The following BCL11B variants were observed in gnomAD, a reference collection of about 807,000 sequenced individuals.
BCL11B encodes BCL11 transcription factor B, also known as B-cell lymphoma/leukemia 11B.
BCL11B carries 8 observed loss-of-function variants against 49.9 expected under a neutral mutation model. The observed-to-expected ratio is 0.16, with a 90% confidence interval of 0.09 to 0.29. The LOEUF is 0.29. Ranked by LOEUF, BCL11B falls within the 10% of genes least tolerant of loss-of-function variation. The probability of loss-of-function intolerance (pLI) is 1.00; values close to 1 mark genes in which losing one functional copy is unlikely to be tolerated. For synonymous variants in BCL11B, 739 were observed against 637.4 expected (o/e 1.16, Z -2.40); for missense variants, 1,006 against 1,351.0 (o/e 0.74, Z 4.00).
intron 1 of BCL11B, among the ~76,000 whole-genome samples, chr14:99,268,641 C>T (rs1889556512): frequency 6.6e-6 from 1 of 151,970 alleles, no homozygotes; most frequent in Admixed American, 6.5e-5. Context: ...CTCCCACCTC[C>T]CTCCCAGGTG....
chr14:99,266,068 G>A (rs940484519), intron 1 of BCL11B, among the ~76,000 whole-genome samples: 1 of 152,200 alleles, frequency 6.6e-6, no homozygotes, highest in Non-Finnish European at 1.5e-5. Flanking sequence ...TGGGGTGAAA[G>A]ATGTGATCAA....
At chr14:99,193,479 G>T (rs905287912) in intron 3 of BCL11B, among the ~76,000 whole-genome samples, 1 of 152,066 alleles carries the variant, frequency 6.6e-6, no homozygotes, top group Admixed American at 6.6e-5. Flanking sequence ...AAAAAAAAAG[G>T]GGACATTATT....
At chr14:99,269,873 G>GT (rs1168474018) in intron 1 of BCL11B, among the ~76,000 whole-genome samples, 20 of 51,190 alleles carry the variant, frequency 3.9e-4, no homozygotes, top group Non-Finnish European at 4.7e-4. Flanking sequence ...TTCTATTGCA[G>GT]TTAAAAAAAA....
In BCL11B at chr14:99,184,733, G is replaced by A. The variant is rs567345279; in HGVS notation, c.641-8538C>T. On this transcript the variant is annotated intron_variant, in intron 3 of 3. Coordinates refer to ENST00000357195, the MANE Select transcript of BCL11B (RefSeq NM_138576.4). The surrounding 1 kb of genome is among the most constrained non-coding windows in gnomAD (Gnocchi z 6.1). Reference sequence around the variant, plus strand: ...TGCACCTGGGATTGCCAGCAAGCCAGCCCGGGAGGCCAAGCTGAAGGCCTT... The same window carrying A: ...TGCACCTGGGATTGCCAGCAAGCCAACCCGGGAGGCCAAGCTGAAGGCCTT... Among the ~76,000 whole-genome samples, 11 of 152,288 alleles carry A rather than the reference G, an allele frequency of 7.2e-5. No individual in the cohort carries two copies. The South Asian group carries it at 2.3e-3, about 32-fold the overall frequency.
chr14:99,233,944 C>T (rs562275927), intron 2 of BCL11B, among the ~76,000 whole-genome samples: 1 of 152,072 alleles, frequency 6.6e-6, no homozygotes, highest in South Asian at 2.1e-4. Context: ...TCTGGGGCTC[C>T]CAGAGCACCT....
At chr14:99,243,471 C>T (rs200021892) in intron 2 of BCL11B, among the ~76,000 whole-genome samples, 2 of 152,168 alleles carry the variant, frequency 1.3e-5, no homozygotes, top group East Asian at 3.8e-4. Context: ...GCAATTGCTT[C>T]ACTCCTACCT....
At chr14:99,218,982 A>G (rs1887933114) in intron 3 of BCL11B, among the ~76,000 whole-genome samples, 1 of 152,160 alleles carries the variant, frequency 6.6e-6, no homozygotes, top group Non-Finnish European at 1.5e-5. Flanking sequence ...CGACCCCTCC[A>G]TCTTGGACCT....
At position 99,234,228 on chromosome 14, in the gene BCL11B, G is replaced by C. The variant is rs780434773; in HGVS notation, c.428-2671C>G. Among the ~76,000 whole-genome samples the C allele has an allele frequency of 5.3e-5, 8 of 152,228 alleles. 1 individual carries two copies. The South Asian group carries it at 1.7e-3, about 32-fold the overall frequency. On this transcript the variant is annotated intron_variant, in intron 2 of 3. Transcript: ENST00000357195. ...GGGTGATGAAAATGCTCGGGACTTA[G>C]ACAGGAGTGACGGCTGCACGACATT...
intron 2 of BCL11B, among the ~76,000 whole-genome samples, chr14:99,233,614 A>G (rs940146184): frequency 2.6e-5 from 4 of 152,202 alleles, no homozygotes; most frequent in African/African-American, 9.6e-5. Context: ...GGGTTGTCCC[A>G]GGTGCTAAGA....
Position 99,176,260 on chromosome 14 carries a change from G to A in BCL11B, c.641-65C>T, listed in dbSNP as rs1886526189. On this transcript the variant is annotated intron_variant, in intron 3 of 3. Transcript: ENST00000357195. ...GAAGCGGCAGCGGGGCGCGGGCACCGCAGGGCCACTGGCCTGGGGGACGCG... is the reference window on the plus strand; with the variant it reads ...GAAGCGGCAGCGGGGCGCGGGCACCACAGGGCCACTGGCCTGGGGGACGCG... 5 of 1,468,356 alleles carry A rather than the reference G, an allele frequency of 3.4e-6. No homozygotes were observed. In the Admixed American group the frequency reaches 7.6e-5, roughly 22 times the overall value. 91.0% of individuals were successfully genotyped at this position (1,468,356 alleles called of 1,614,324 possible).
chr14:99,192,852 G>T lies in BCL11B; in HGVS notation c.641-16657C>A, dbSNP rs1764922295. On this transcript the variant is annotated intron_variant, in intron 3 of 3. Coordinates refer to ENST00000357195, the MANE Select transcript of BCL11B (RefSeq NM_138576.4). This position sits in a 1 kb window ranked among gnomAD's most constrained non-coding sequence, Gnocchi z 4.0. ...TGCTCAATAGAGAATGCTATTTAAT[G>T]ATCAAAATGTAAATGAGTGAATGAA... 6.6e-6 allele frequency among the ~76,000 whole-genome samples: 1 copy of T among 150,790 alleles called. No individual in the cohort carries two copies. Among genetic ancestry groups the T allele is most frequent in the Non-Finnish European group, 1.5e-5 (1 of 67,846 alleles).
chr14:99,245,898 G>A (rs1315948423), intron 2 of BCL11B, among the ~76,000 whole-genome samples: 1 of 152,054 alleles, frequency 6.6e-6, no homozygotes, highest in Non-Finnish European at 1.5e-5. Context: ...GGGCTGGCCC[G>A]GGGCCAGAGG....
At chr14:99,239,805 G>A (rs926334810) in intron 2 of BCL11B, among the ~76,000 whole-genome samples, 19 of 152,188 alleles carry the variant, frequency 1.2e-4, no homozygotes, top group Non-Finnish European at 4.4e-5. Context: ...GAACTCCAAT[G>A]CTGGCTTTTG....
chr14:99,271,473 A>G lies in BCL11B; in HGVS notation c.-255T>C, dbSNP rs1889686756. 4 of 238,088 alleles carry G rather than the reference A, an allele frequency of 1.7e-5. No homozygotes were observed. Among genetic ancestry groups the G allele is most frequent in the South Asian group, 1.6e-4 (1 of 6,414 alleles). 14.7% of individuals were successfully genotyped at this position (238,088 alleles called of 1,614,324 possible). On this transcript the variant is annotated 5_prime_UTR_variant, in exon 1 of 4. Transcript: ENST00000357195. ...TTTGCAAAAAGAAAAAAAAGGGAAG[A>G]AAAGCAAGAAAAACCTCTCGATCTA...
rs1886513423 is a variant in BCL11B at position 99,176,018 on chromosome 14, G to A, written c.818C>T (p.Ala273Val). 6.4e-7 allele frequency: 1 copy of A among 1,566,332 alleles called. No individual in the cohort carries two copies. Among genetic ancestry groups the A allele is most frequent in the Non-Finnish European group, 8.6e-7 (1 of 1,156,950 alleles). ...ATTCATGAGCGGGGACTGCGCCACG[G>A]CCTCCGGCCCGAGCGGCGGCGGGAT... ...LTIPPPLGPE[A>V]VAQSPLMNFL... Residue 273 changes from alanine to valine, a missense_variant, in exon 4 of 4, where the codon GCC becomes GTC. Physicochemically the swap from Ala to Val is moderately conservative, Grantham distance 64. This residue lies in a region of BCL11B where 411 missense variants were observed against 542.2 expected (regional missense o/e 0.76). Coordinates refer to ENST00000357195, the MANE Select transcript of BCL11B (RefSeq NM_138576.4).
At chr14:99,196,047 A>G (rs1450326913) in intron 3 of BCL11B, among the ~76,000 whole-genome samples, 1 of 152,166 alleles carries the variant, frequency 6.6e-6, no homozygotes, top group Non-Finnish European at 1.5e-5. Context: ...GTCTTCATTC[A>G]TGCATCAAAA....
At chr14:99,179,734 G>C (rs975843689) in intron 3 of BCL11B, among the ~76,000 whole-genome samples, 1 of 152,044 alleles carries the variant, frequency 6.6e-6, no homozygotes, top group African/African-American at 2.4e-5. Context: ...GAAGCCTTCC[G>C]ATATCCTAAA....
chr14:99,198,915 C>T (rs1001149526), intron 3 of BCL11B, among the ~76,000 whole-genome samples: 1 of 152,152 alleles, frequency 6.6e-6, no homozygotes, highest in Non-Finnish European at 1.5e-5. Flanking sequence ...TCAGCCATCC[C>T]CAGGTGCACC....
Position 99,271,167 on chromosome 14 carries a change from T to C in BCL11B, c.52A>G (p.Ile18Val), listed in dbSNP as rs776227216. ...GCACTCCGCAGACACTTACGGGTGATGAGCTCCCTCTGGGACAAGTGCTGC... is the reference window on the plus strand; with the variant it reads ...GCACTCCGCAGACACTTACGGGTGACGAGCTCCCTCTGGGACAAGTGCTGC... ...NPQHLSQREL[I>V]TPEADHVEAA... Residue 18 changes from isoleucine to valine, a missense_variant, in exon 1 of 4, where the codon ATC becomes GTC. Ile to Val is a conservative substitution (Grantham distance 29, BLOSUM62 3). Coordinates refer to ENST00000357195, the MANE Select transcript of BCL11B (RefSeq NM_138576.4). 6.4e-7 allele frequency: 1 copy of C among 1,554,906 alleles called. No homozygotes were observed. The highest frequency in any genetic ancestry group is 2.6e-5 in the East Asian group (1 of 38,138).
Sources: gnomAD v4.1 joint callset for allele counts (sites outside exome capture counted in the v4.1 genomes callset) on GRCh38, gnomAD v4.1.1 for gene constraint, gnomAD v4.1.1 regional missense constraint, Gnocchi (gnomAD v3.1) non-coding constraint, MANE v1.5 for transcripts, NCBI Gene and HGNC (gene_info 2026-07-23, HGNC 2026-07-21) for gene names.